TRAK1: variants seen among roughly 807,000 people sequenced by gnomAD.
TRAK1 encodes trafficking kinesin-binding protein 1.
In TRAK1, 33 loss-of-function variants were observed where a neutral mutation model predicts 92.1. The ratio of observed to expected loss-of-function variants is 0.36; its 90% CI spans 0.27 to 0.48. The LOEUF (loss-of-function observed/expected upper bound fraction) is 0.48, where lower values mean the gene tolerates loss of function less well. Ranked by LOEUF, TRAK1 falls within the 20% of genes least tolerant of loss-of-function variation. The probability of loss-of-function intolerance (pLI) is 0.99; values close to 1 mark genes in which losing one functional copy is unlikely to be tolerated. For synonymous variants in TRAK1, 521 were observed against 517.3 expected (o/e 1.01, Z -0.10); for missense variants, 1,123 against 1,257.9 (o/e 0.89, Z 1.62).
chr3:42,114,815 C>T (rs1294663197), intron 1 of TRAK1, among the ~76,000 whole-genome samples: 2 of 152,010 alleles, frequency 1.3e-5, no homozygotes, highest in Non-Finnish European at 2.9e-5. Context: ...TGGGTTCAAG[C>T]GATTTTCATA....
intron 3 of TRAK1, among the ~76,000 whole-genome samples, chr3:42,183,224 C>T (rs1292413917): frequency 6.6e-6 from 1 of 152,154 alleles, no homozygotes; most frequent in African/African-American, 2.4e-5. Context: ...AAAATGGTTT[C>T]TTAACCCACT....
intron 1 of TRAK1, among the ~76,000 whole-genome samples, chr3:42,053,165 C>A (rs1457215073): frequency 6.6e-6 from 1 of 152,156 alleles, no homozygotes; most frequent in Non-Finnish European, 1.5e-5. Context: ...ACAGTGAAGT[C>A]TTTTCTTTCC....
At chr3:42,048,626 C>T (rs994938470) in intron 1 of TRAK1, among the ~76,000 whole-genome samples, 4 of 146,910 alleles carry the variant, frequency 2.7e-5, no homozygotes, top group Non-Finnish European at 5.9e-5. Flanking sequence ...TGCAGTGGTG[C>T]GATCTCAGCT....
At chr3:42,129,843 G>C (rs548254546) in intron 2 of TRAK1, among the ~76,000 whole-genome samples, 1 of 151,998 alleles carries the variant, frequency 6.6e-6, no homozygotes, top group African/African-American at 2.4e-5. Flanking sequence ...CTCTTACCCA[G>C]TATCTCAGAT....
chr3:42,064,272 T>G lies in TRAK1; in HGVS notation c.-518-22832T>G, dbSNP rs370588300. Among the ~76,000 whole-genome samples the G allele has an allele frequency of 7.2e-5, 11 of 152,116 alleles. No homozygotes were observed. The East Asian group carries it at 2.1e-3, about 29-fold the overall frequency. ...TGAGCCCAGGGGTTTGAGACCAGCC[T>G]GGGCAACGTAGCAAGACCCTGTCTC... On this transcript the variant is annotated intron_variant, in intron 1 of 16. Transcript: ENST00000487159.
intron 1 of TRAK1, among the ~76,000 whole-genome samples, chr3:42,042,202 C>T (rs1284599149): frequency 6.6e-6 from 1 of 152,130 alleles, no homozygotes; most frequent in Non-Finnish European, 1.5e-5. Context: ...GCTGGGATTA[C>T]AGGCGTGAGC....
chr3:42,078,064 G>T (rs1704239068), intron 1 of TRAK1, among the ~76,000 whole-genome samples: 1 of 152,188 alleles, frequency 6.6e-6, no homozygotes, highest in Non-Finnish European at 1.5e-5. Flanking sequence ...CTGTCAGTAG[G>T]TAATGGTTGA....
At chr3:42,179,939 C>T (rs1029034186) in intron 3 of TRAK1, among the ~76,000 whole-genome samples, 1 of 151,924 alleles carries the variant, frequency 6.6e-6, no homozygotes, top group Admixed American at 6.6e-5. Flanking sequence ...CACTATGTTG[C>T]CCAGGCTGGT....
chr3:42,144,197 T>C (rs916377959), intron 2 of TRAK1, among the ~76,000 whole-genome samples: 2 of 152,126 alleles, frequency 1.3e-5, no homozygotes, highest in African/African-American at 4.8e-5. Context: ...CATTTCTACC[T>C]CATTTCCCTA....
At chr3:42,135,041 G>GT (rs1239834302) in intron 2 of TRAK1, among the ~76,000 whole-genome samples, 1 of 152,178 alleles carries the variant, frequency 6.6e-6, no homozygotes, top group Non-Finnish European at 1.5e-5. Flanking sequence ...TGCCTGGCTG[G>GT]TTTTTGGGGG....
chr3:42,101,540 G>C (rs567532555), intron 1 of TRAK1, among the ~76,000 whole-genome samples: 2 of 152,086 alleles, frequency 1.3e-5, no homozygotes, highest in African/African-American at 4.8e-5. Flanking sequence ...TGACTCTTAC[G>C]GCCTAGAGCA....
chr3:42,031,352 T>C (rs891067632), intron 1 of TRAK1, among the ~76,000 whole-genome samples: 2 of 151,666 alleles, frequency 1.3e-5, no homozygotes, highest in African/African-American at 4.8e-5. Flanking sequence ...TTTTCAAAAT[T>C]GAAAGTTTTC....
chr3:42,222,866 CA>C, intron 15 of TRAK1, 75 bp from the exon 16 acceptor site: 3 of 1,520,636 alleles, frequency 2.0e-6, no homozygotes, highest in Non-Finnish European at 2.7e-6. Flanking sequence ...ACCCCCCCTG[CA>C]GGAAACTGGC....
At chr3:42,127,419 T>C (rs2149149689) in intron 2 of TRAK1, among the ~76,000 whole-genome samples, 1 of 149,780 alleles carries the variant, frequency 6.7e-6, no homozygotes, top group East Asian at 2.0e-4. Flanking sequence ...GTGGTGCACA[T>C]ATGGCTTACT....
At chr3:42,035,034 C>T (rs537237524) in intron 1 of TRAK1, among the ~76,000 whole-genome samples, 1 of 152,320 alleles carries the variant, frequency 6.6e-6, no homozygotes, top group South Asian at 2.1e-4. Context: ...CACCAAAGTG[C>T]CTTCTTTCTC....
intron 14 of TRAK1, chr3:42,210,644 A>G (rs1708915343): frequency 4.3e-5 from 43 of 1,007,618 alleles, no homozygotes; most frequent in Non-Finnish European, 4.8e-5. Flanking sequence ...GATTTCAGAC[A>G]TTTCATCAGC....
intron 2 of TRAK1, among the ~76,000 whole-genome samples, chr3:42,165,919 A>G (rs1341407736): frequency 1.3e-5 from 2 of 152,044 alleles, no homozygotes; most frequent in Admixed American, 1.3e-4. Context: ...GGCCATGGAC[A>G]AAGAGCCTAC....
intron 2 of TRAK1, among the ~76,000 whole-genome samples, chr3:42,151,805 C>T (rs1175928507): frequency 6.6e-6 from 1 of 152,150 alleles, no homozygotes; most frequent in African/African-American, 2.4e-5. Context: ...TTGCCTCTGT[C>T]TTTTTTATTG....
intron 1 of TRAK1, among the ~76,000 whole-genome samples, chr3:42,078,800 C>G (rs968292704): frequency 1.3e-5 from 2 of 149,516 alleles, no homozygotes; most frequent in Admixed American, 6.7e-5. Flanking sequence ...AAAGATGAGG[C>G]AGAAGGGGAA....
Sources: allele counts gnomAD v4.1 joint callset (sites outside exome capture counted in the v4.1 genomes callset), GRCh38; gene constraint gnomAD v4.1.1; transcripts MANE v1.5; gene names NCBI Gene and HGNC (gene_info 2026-07-23, HGNC 2026-07-21).